Variants in ATAD2 observed in about 807,000 individuals in gnomAD.
The protein encoded by ATAD2 is ATPase family AAA domain-containing protein 2.
ATAD2 carries 62 observed loss-of-function variants against 168.9 expected under a neutral mutation model. The ratio of observed to expected loss-of-function variants is 0.37; its 90% CI spans 0.30 to 0.45. ATAD2 has a LOEUF of 0.45. Ranked by LOEUF, ATAD2 falls within the 20% of genes least tolerant of loss-of-function variation. The pLI, the probability that ATAD2 is intolerant of heterozygous loss-of-function variation, is 1.00. For synonymous variants in ATAD2, 613 were observed against 571.6 expected (o/e 1.07, Z -1.03); for missense variants, 1,419 against 1,667.8 (o/e 0.85, Z 2.60).
At chr8:123,392,460 G>C (rs1049431753) in intron 1 of ATAD2, among the ~76,000 whole-genome samples, 1 of 151,804 alleles carries the variant, frequency 6.6e-6, no homozygotes, top group South Asian at 2.1e-4. Flanking sequence ...AGGTGAATTT[G>C]GGCAATTTAT....
rs1827426169 is a variant in ATAD2, at chr8:123,320,032, C to T, written c.*1102G>A. On this transcript the variant is annotated 3_prime_UTR_variant, in exon 28 of 28. Coordinates refer to ENST00000287394, the MANE Select transcript of ATAD2 (RefSeq NM_014109.4). ...GTGACTGGCATTGCTTTATGCATTA[C>T]ATAAGATAGTATGTACTAATTAAGG... The T allele has an allele frequency of 6.6e-6, 1 of 152,060 alleles. No homozygotes were observed. 9.4% of individuals were successfully genotyped at this position (152,060 alleles called of 1,614,324 possible).
At position 123,344,856 on chromosome 8, in the gene ATAD2, TATA is replaced by T. The variant is rs772458144; in HGVS notation, c.2718+25_2718+27del. ...TGGTAGAAACAACTCTTTTTGAAAG[TATA>T]ATGATACCGCCCCACATAAATTACC... On this transcript the variant is annotated intron_variant, in intron 19 of 27. Transcript: ENST00000287394. 6 of 1,606,240 alleles carry T rather than the reference TATA, an allele frequency of 3.7e-6. No individual in the cohort carries two copies. In the Admixed American group the frequency reaches 6.7e-5, roughly 18 times the overall value.
intron 1 of ATAD2, among the ~76,000 whole-genome samples, chr8:123,386,580 A>C (rs548044611): frequency 6.6e-6 from 1 of 152,244 alleles, no homozygotes; most frequent in East Asian, 1.9e-4. Flanking sequence ...AGTTCTGGAG[A>C]TGAATGGTGA....
chr8:123,400,545 G>A (rs569734124), upstream of ATAD2: 1 of 449,130 alleles, frequency 2.2e-6, no homozygotes, highest in South Asian at 1.9e-5. The surrounding 1 kb of genome is among the most constrained non-coding windows in gnomAD (Gnocchi z 4.5). Flanking sequence ...CCGAGCGGGT[G>A]TTTATGTTGG....
chr8:123,347,960 CTATT>C, intron 15 of ATAD2: 2 of 568,140 alleles, frequency 3.5e-6, no homozygotes, highest in South Asian at 3.7e-5. Context: ...TCAAATATCT[CTATT>C]TAATACCAAG....
At chr8:123,355,375 T>G (rs1402997657) in intron 13 of ATAD2, among the ~76,000 whole-genome samples, 2 of 152,190 alleles carry the variant, frequency 1.3e-5, no homozygotes, top group African/African-American at 2.4e-5. Flanking sequence ...ATCAATCAAT[T>G]ACACATCATT....
chr8:123,413,354 A>T (rs1813190459), intron 1 of ATAD2, among the ~76,000 whole-genome samples: 1 of 151,838 alleles, frequency 6.6e-6, no homozygotes, highest in African/African-American at 2.4e-5. Flanking sequence ...ATCTGTTTTC[A>T]TCGCTTTGAC....
intron 24 of ATAD2, among the ~76,000 whole-genome samples, chr8:123,331,788 CA>C (rs951280777): frequency 6.6e-6 from 1 of 152,136 alleles, no homozygotes; most frequent in Non-Finnish European, 1.5e-5. Context: ...TTGAGAACCG[CA>C]AATCACTTTT....
intron 25 of ATAD2, among the ~76,000 whole-genome samples, chr8:123,326,920 T>C (rs577639553): frequency 2.6e-5 from 4 of 152,110 alleles, no homozygotes; most frequent in Admixed American, 2.0e-4. Context: ...TTTCTTTTTT[T>C]TTGAGATGGA....
In ATAD2 at chr8:123,328,542, C is replaced by A. The variant is rs749127694; in HGVS notation, c.3516G>T (p.Trp1172Cys). Residue 1172 changes from tryptophan (W) to cysteine (C), a missense_variant, in exon 25 of 28, where the codon TGG (tryptophan) becomes TGT (cysteine). Coordinates refer to ENST00000287394, the MANE Select transcript of ATAD2 (RefSeq NM_014109.4). ...LKRKIRKKSNWYLGTIKKRRK... is the reference protein window; with the variant it reads ...LKRKIRKKSNCYLGTIKKRRK... Reference sequence around the variant, plus strand: ...TTCGCTTTTTTATGGTGCCTAAGTACCAGTTTGACTTTTTGCGAATTTTCC... The same window carrying A: ...TTCGCTTTTTTATGGTGCCTAAGTAACAGTTTGACTTTTTGCGAATTTTCC... 2.6e-6 allele frequency: 4 copies of A among 1,556,474 alleles called. No individual in the cohort carries two copies. The South Asian group carries it at 5.0e-5, about 19-fold the overall frequency.
intron 20 of ATAD2, among the ~76,000 whole-genome samples, chr8:123,338,987 A>C (rs1245349783): frequency 6.6e-6 from 1 of 152,234 alleles, no homozygotes; most frequent in African/African-American, 2.4e-5. Flanking sequence ...TTACTAAAAT[A>C]GTGAAAAGGT....
chr8:123,401,876 A>G, intron 1 of ATAD2: 2 of 764,248 alleles, frequency 2.6e-6, no homozygotes, highest in Non-Finnish European at 4.8e-6. Context: ...GGATAAGGTG[A>G]AGATCACACA....
At chr8:123,333,054 C>T (rs529246288) in intron 24 of ATAD2, among the ~76,000 whole-genome samples, 9 of 151,654 alleles carry the variant, frequency 5.9e-5, no homozygotes, top group African/African-American at 1.7e-4. Context: ...CAGCAAACAC[C>T]GCTAACCCTA....
In ATAD2 at chr8:123,321,127, G is replaced by A; in HGVS notation, c.*7C>T. 1 of 1,608,112 alleles carries A rather than the reference G, an allele frequency of 6.2e-7. No homozygotes were observed. The highest frequency in any genetic ancestry group is 8.5e-7 in the Non-Finnish European group (1 of 1,178,192). On this transcript the variant is annotated 3_prime_UTR_variant, in exon 28 of 28. Coordinates refer to ENST00000287394, the MANE Select transcript of ATAD2 (RefSeq NM_014109.4). ...GAATATAAAGAATACTCGATACCAT[G>A]ACATCATCATCTGGAACAACTGAAG...
At chr8:123,356,795 T>C (rs995395736) in intron 12 of ATAD2, among the ~76,000 whole-genome samples, 1 of 151,778 alleles carries the variant, frequency 6.6e-6, no homozygotes, top group Non-Finnish European at 1.5e-5. Flanking sequence ...TTATAACTAT[T>C]TATAATTTAT....
intron 26 of ATAD2, 142 bp from the exon 27 acceptor site, chr8:123,323,208 G>A: frequency 1.3e-6 from 1 of 784,984 alleles, no homozygotes; most frequent in Non-Finnish European, 1.9e-6. Flanking sequence ...GCCTCTGGCA[G>A]TGGCTCTGAC....
intron 14 of ATAD2, among the ~76,000 whole-genome samples, chr8:123,348,901 C>T (rs1828353239): frequency 6.6e-6 from 1 of 152,034 alleles, no homozygotes; most frequent in African/African-American, 2.4e-5. Context: ...GTACAGACAG[C>T]TCTTGACATA....
intron 1 of ATAD2, among the ~76,000 whole-genome samples, chr8:123,407,832 G>T (rs1380147088): frequency 6.8e-6 from 1 of 148,058 alleles, no homozygotes; most frequent in Non-Finnish European, 1.5e-5. Flanking sequence ...CAGCTTGGGT[G>T]ACGGAGTGAG....
chr8:123,375,714 T>C (rs557254152), intron 2 of ATAD2, among the ~76,000 whole-genome samples: 53 of 152,340 alleles, frequency 3.5e-4, no homozygotes, highest in African/African-American at 1.1e-3. Context: ...GCTCACGCTG[T>C]AATTCCAGCA....
Sources: allele counts gnomAD v4.1 joint callset (sites outside exome capture counted in the v4.1 genomes callset), GRCh38; gene constraint gnomAD v4.1.1; non-coding constraint Gnocchi (gnomAD v3.1); transcripts MANE v1.5; gene names NCBI Gene and HGNC (gene_info 2026-07-23, HGNC 2026-07-21).